Variants in NAV2 observed in about 807,000 individuals in gnomAD.
NAV2 encodes the protein helicase, APC down-regulated 1.
In NAV2, 54 loss-of-function variants were observed where a neutral mutation model predicts 223.2. That is an observed-to-expected ratio of 0.24 (90% CI 0.19 to 0.30). NAV2 has a LOEUF of 0.30. Among genes scored for constraint, NAV2 ranks in the 10% least tolerant of loss-of-function variants. The pLI is 1.00. For missense variants in NAV2, 2,806 were observed against 3,147.5 expected, an observed-to-expected ratio of 0.89 and a Z score of 2.60; for synonymous variants, 1,279 against 1,239.3, an observed-to-expected ratio of 1.03 and a Z score of -0.67.
At chr11:20,115,080 C>T (rs2062944524) in intron 37 of NAV2, among the ~76,000 whole-genome samples, 1 of 152,090 alleles carries the variant, frequency 6.6e-6, no homozygotes, top group Non-Finnish European at 1.5e-5. Flanking sequence ...ACACTTTGCC[C>T]TCTGATTTGG....
rs186680409 is a variant in NAV2, at chr11:19,713,984, G to T, written c.267+22G>T. On this transcript the variant is annotated intron_variant, in intron 1 of 37. Coordinates refer to ENST00000349880, the MANE Select transcript of NAV2 (RefSeq NM_145117.5). This position sits in a 1 kb window ranked among gnomAD's most constrained non-coding sequence, Gnocchi z 7.2. The stretch of plus-strand genomic sequence containing the variant: ...CCAGGTGAGAGATGCCGTTTGCCGG[G>T]GTACTGTTCTGGAAGGATGGATGAA... 6.2e-7 allele frequency: 1 copy of T among 1,611,934 alleles called. No homozygotes were observed. Among genetic ancestry groups the T allele is most frequent in the Non-Finnish European group, 8.5e-7 (1 of 1,179,426 alleles).
chr11:19,942,101 T>C (rs561647298), intron 8 of NAV2, among the ~76,000 whole-genome samples: 1 of 152,328 alleles, frequency 6.6e-6, no homozygotes, highest in East Asian at 1.9e-4. Flanking sequence ...ACACTAAAGT[T>C]TTAAGACCTC....
intron 14 of NAV2, among the ~76,000 whole-genome samples, chr11:20,047,590 T>A (rs949582580): frequency 1.3e-5 from 2 of 152,224 alleles, no homozygotes; most frequent in African/African-American, 4.8e-5. Flanking sequence ...ACGAGGTCCC[T>A]GTCATCACTG....
At chr11:20,010,967 T>G (rs1042053260) in intron 11 of NAV2, among the ~76,000 whole-genome samples, 6 of 152,170 alleles carry the variant, frequency 3.9e-5, no homozygotes, top group African/African-American at 1.4e-4. Flanking sequence ...TTCCTGACAT[T>G]TTAAACTAAG....
intron 1 of NAV2, among the ~76,000 whole-genome samples, chr11:19,818,112 C>A (rs2059193094): frequency 1.3e-5 from 2 of 152,030 alleles, no homozygotes; most frequent in South Asian, 4.2e-4. Flanking sequence ...CCTAAATTTG[C>A]ATACTCTTAC....
At chr11:19,582,967 C>G (rs1358634656) in intron 1 of NAV2, among the ~76,000 whole-genome samples, 1 of 152,174 alleles carries the variant, frequency 6.6e-6, no homozygotes, top group Non-Finnish European at 1.5e-5. Context: ...TTACCTTAGG[C>G]AGTATGGCCA....
intron 1 of NAV2, among the ~76,000 whole-genome samples, chr11:19,751,391 G>T (rs907559374): frequency 6.6e-6 from 1 of 152,190 alleles, no homozygotes; most frequent in African/African-American, 2.4e-5. Context: ...CTGGTACATA[G>T]GATGGTAGCA....
chr11:19,580,984 C>A (rs1167924611), intron 1 of NAV2, among the ~76,000 whole-genome samples: 1 of 152,168 alleles, frequency 6.6e-6, no homozygotes, highest in Non-Finnish European at 1.5e-5. Context: ...TACAAAATAG[C>A]ATTTTGGCTG....
In NAV2 at chr11:19,892,501, A is replaced by T; in HGVS notation, c.838A>T (p.Thr280Ser). 1 of 1,614,234 alleles carries T rather than the reference A, an allele frequency of 6.2e-7. No individual in the cohort carries two copies. Among genetic ancestry groups the T allele is most frequent in the South Asian group, 1.1e-5 (1 of 91,084 alleles). The change falls in exon 6 of 38, where the codon ACT becomes TCT. Residue 280 changes from threonine to serine, a missense_variant. Around this residue, in one of 4 missense-constraint regions of NAV2, gnomAD observed 1,167 missense variants for 1,180.5 expected, o/e 0.99. Transcript: ENST00000349880. ...GGCCAAAACACGCGGAGGGTCAACT[A>T]CTGCTAACAACCGACGCAGCCAGAG... is the stretch of plus-strand genomic sequence containing the variant. ...SEAKTRGGST[T>S]ANNRRSQSFN...
Position 19,933,748 on chromosome 11 carries a change from A to G in NAV2, c.1504A>G (p.Lys502Glu). The G allele has an allele frequency of 3.1e-6, 5 of 1,614,224 alleles. No individual in the cohort carries two copies. Among genetic ancestry groups the G allele is most frequent in the Non-Finnish European group, 4.2e-6 (5 of 1,180,046 alleles). Residue 502 changes from lysine to glutamate, a missense_variant, in exon 7 of 38, where the codon AAG (lysine) becomes GAG (glutamate). This residue lies in a region of NAV2 where 1,167 missense variants were observed against 1,180.5 expected (regional missense o/e 0.99). Transcript: ENST00000349880. The surrounding 1 kb of genome is among the most constrained non-coding windows in gnomAD (Gnocchi z 4.3). ...GCGGGAGAAGGATAAGGAGAAAAGC[A>G]AGGACCTTGCCAAGAGAGCCTCTGT... ...QQREKDKEKS[K>E]DLAKRASVTE...
chr11:19,904,446 C>A (rs1591165341), intron 6 of NAV2, among the ~76,000 whole-genome samples: 1 of 152,130 alleles, frequency 6.6e-6, no homozygotes, highest in South Asian at 2.1e-4. Context: ...GAACTTAATT[C>A]TCTGGATTAG....
intron 1 of NAV2, among the ~76,000 whole-genome samples, chr11:19,656,733 C>G (rs994952049): frequency 1.3e-5 from 2 of 152,160 alleles, no homozygotes; most frequent in South Asian, 4.1e-4. Context: ...TCTACATCCC[C>G]CTGGACTCCT....
At chr11:20,075,805 A>G (rs1015896621) in intron 22 of NAV2, among the ~76,000 whole-genome samples, 2 of 132,596 alleles carry the variant, frequency 1.5e-5, no homozygotes, top group African/African-American at 5.9e-5. Flanking sequence ...TCCAGCGTTG[A>G]TTCCTCACTG....
intron 6 of NAV2, among the ~76,000 whole-genome samples, chr11:19,914,110 C>T (rs887795735): frequency 6.6e-6 from 1 of 152,214 alleles, no homozygotes; most frequent in Non-Finnish European, 1.5e-5. Context: ...GGAGTATCTA[C>T]ACCACAGGAA....
upstream of NAV2, among the ~76,000 whole-genome samples, chr11:19,345,727 C>A (rs964712902): frequency 6.6e-6 from 1 of 152,254 alleles, no homozygotes; most frequent in Non-Finnish European, 1.5e-5. This position sits in a 1 kb window ranked among gnomAD's most constrained non-coding sequence, Gnocchi z 5.2. Context: ...AGCTCGGGGG[C>A]GCACTTTCCC....
At chr11:19,726,996 T>G (rs2152396110) in intron 1 of NAV2, among the ~76,000 whole-genome samples, 1 of 152,038 alleles carries the variant, frequency 6.6e-6, no homozygotes, top group East Asian at 1.9e-4. Flanking sequence ...ATGGATGGAG[T>G]CACCCTAGAA....
intron 1 of NAV2, among the ~76,000 whole-genome samples, chr11:19,668,504 G>T (rs1431072666): frequency 2.3e-5 from 3 of 130,066 alleles, no homozygotes; most frequent in African/African-American, 2.8e-5. Flanking sequence ...TTGCACTCTA[G>T]CCTGGGCAAC....
intron 1 of NAV2, among the ~76,000 whole-genome samples, chr11:19,616,576 GTGGAGCACCCAGGCTGGCGAGC>G (rs2046801196): frequency 6.6e-6 from 1 of 152,044 alleles, no homozygotes; most frequent in African/African-American, 2.4e-5. Context: ...GAGACTCCCT[GTGGAGCACCCAGGCTGGCGAGC>G]TGGCCCCCAG....
intron 1 of NAV2, among the ~76,000 whole-genome samples, chr11:19,688,372 A>G (rs2049079536): frequency 6.6e-6 from 1 of 152,150 alleles, no homozygotes; most frequent in Non-Finnish European, 1.5e-5. Flanking sequence ...GGCACCATGA[A>G]TGTTCATCCC....
Sources: gnomAD v4.1 joint callset for allele counts (sites outside exome capture counted in the v4.1 genomes callset) on GRCh38, gnomAD v4.1.1 for gene constraint, gnomAD v4.1.1 regional missense constraint, Gnocchi (gnomAD v3.1) non-coding constraint, MANE v1.5 for transcripts, NCBI Gene and HGNC (gene_info 2026-07-23, HGNC 2026-07-21) for gene names.